The following ZNF644 variants were observed in gnomAD, a reference collection of about 807,000 sequenced individuals.
The protein encoded by ZNF644 is zinc finger protein 644.
A neutral mutation model predicts 108.0 loss-of-function variants in ZNF644; 20 were observed. The observed-to-expected ratio is 0.19, with a 90% CI of 0.13 to 0.27. The LOEUF (loss-of-function observed/expected upper bound fraction) is 0.27. ZNF644 is among the 10% of genes least tolerant of loss of function. The probability of loss-of-function intolerance (pLI) is 1.00; values close to 1 mark genes in which losing one functional copy is unlikely to be tolerated. For missense variants in ZNF644, 1,338 were observed against 1,548.9 expected (o/e 0.86, Z 2.29); for synonymous variants, 542 against 539.1 (o/e 1.01, Z -0.08).
At chr1:90,982,630 A>T (rs13374990) in intron 1 of ZNF644, among the ~76,000 whole-genome samples, 1,895 of 152,070 alleles carry the variant, frequency 0.012, 36 homozygotes, top group African/African-American at 0.043. Flanking sequence ...CTTTTTTTTA[A>T]AAAAAATTCT....
At chr1:90,945,535 T>C (rs1652430107) in intron 2 of ZNF644, among the ~76,000 whole-genome samples, 2 of 152,036 alleles carry the variant, frequency 1.3e-5, no homozygotes, top group Non-Finnish European at 2.9e-5. Flanking sequence ...ATCTCAAACA[T>C]CAGTATTTTT....
At chr1:90,986,078 T>C (rs1214571638) in intron 1 of ZNF644, among the ~76,000 whole-genome samples, 1 of 152,038 alleles carries the variant, frequency 6.6e-6, no homozygotes, top group African/African-American at 2.4e-5. Context: ...GGAATATTAC[T>C]TATATAAGTG....
intron 2 of ZNF644, among the ~76,000 whole-genome samples, chr1:90,953,669 C>CAGGTGTGGGATTACACA: frequency 6.6e-6 from 1 of 152,146 alleles, no homozygotes; most frequent in African/African-American, 2.4e-5. Flanking sequence ...TAATCCCACA[C>CAGGTGTGGGATTACACA]TTTGGGAGGC....
intron 1 of ZNF644, among the ~76,000 whole-genome samples, chr1:91,006,628 C>CT (rs948435706): frequency 5.3e-5 from 8 of 152,036 alleles, no homozygotes; most frequent in East Asian, 1.9e-4. Context: ...CCAAAAAAGT[C>CT]TTTTTTTTCT....
intron 2 of ZNF644, among the ~76,000 whole-genome samples, chr1:90,970,424 G>C (rs1354444030): frequency 6.6e-6 from 1 of 152,088 alleles, no homozygotes; most frequent in Non-Finnish European, 1.5e-5. Context: ...TCCTCCCCTG[G>C]AATTTGATTC....
chr1:90,919,736 C>T (rs1335949724), intron 4 of ZNF644, among the ~76,000 whole-genome samples: 1 of 152,008 alleles, frequency 6.6e-6, no homozygotes, highest in Admixed American at 6.5e-5. Flanking sequence ...CAGTCAAGAG[C>T]CTCGCATGTA....
At chr1:90,922,443 A>AT (rs1649554884) in intron 4 of ZNF644, among the ~76,000 whole-genome samples, 1 of 152,148 alleles carries the variant, frequency 6.6e-6, no homozygotes, top group African/African-American at 2.4e-5. Context: ...CTACAGTAGG[A>AT]ATAAACATGA....
chr1:90,928,489 T>C (rs1650339211), intron 4 of ZNF644, among the ~76,000 whole-genome samples: 1 of 151,776 alleles, frequency 6.6e-6, no homozygotes, highest in Admixed American at 6.6e-5. Context: ...GGCTAGTTCT[T>C]TGTATTTTTT....
At chr1:90,962,955 C>T (rs1349267551) in intron 2 of ZNF644, among the ~76,000 whole-genome samples, 1 of 152,046 alleles carries the variant, frequency 6.6e-6, no homozygotes, top group Non-Finnish European at 1.5e-5. Flanking sequence ...ATAAAATGAA[C>T]TATACTAAAA....
intron 2 of ZNF644, among the ~76,000 whole-genome samples, chr1:90,965,734 G>C (rs1013820701): frequency 6.6e-6 from 1 of 152,022 alleles, no homozygotes; most frequent in Admixed American, 6.6e-5. Context: ...CTTTGTCCTA[G>C]ACCCCATCTC....
chr1:91,015,213 T>C (rs1033312579), intron 1 of ZNF644, among the ~76,000 whole-genome samples: 3 of 152,132 alleles, frequency 2.0e-5, no homozygotes, highest in Admixed American at 2.0e-4. Flanking sequence ...TTAAAATCCG[T>C]GTTTGTGCTA....
At position 90,929,654 on chromosome 1, in the gene ZNF644, AG is replaced by A. The variant is rs768231558; in HGVS notation, c.3688+7830del. ...ACAATACTATTTTTTCTATCACATC[AG>A]AAAGTGCTCCCATAGCACTTTCCAC... is the stretch of plus-strand genomic sequence containing the variant. On this transcript the variant is annotated intron_variant, in intron 4 of 5. Transcript: ENST00000337393. 1.7e-3 allele frequency among the ~76,000 whole-genome samples: 266 copies of A among 152,334 alleles called. 2 individuals are homozygous for A. Among genetic ancestry groups the A allele is most frequent in the Non-Finnish European group, 1.3e-3 (89 of 68,022 alleles).
At chr1:90,931,905 C>T (rs1421385761) in intron 4 of ZNF644, among the ~76,000 whole-genome samples, 2 of 152,058 alleles carry the variant, frequency 1.3e-5, no homozygotes, top group African/African-American at 4.8e-5. Flanking sequence ...TCTCAATTTG[C>T]CATCAGACAA....
In ZNF644 at chr1:90,941,191, C is replaced by T. The variant is rs377248335; in HGVS notation, c.163G>A (p.Gly55Arg). ...TGACAATCTTTTGGCTTATGAACTCCGCTCTCTTTGTCTGAGATAAAATTG... is the reference window on the plus strand; with the variant it reads ...TGACAATCTTTTGGCTTATGAACTCTGCTCTCTTTGTCTGAGATAAAATTG... ...DNNFISDKES[G>R]VHKPKDCQTS... Residue 55 changes from glycine to arginine, a missense_variant, in exon 3 of 6, where the codon GGA becomes AGA. Physicochemically the swap from Gly to Arg is moderately radical, Grantham distance 125. Transcript: ENST00000337393. 2.1e-4 allele frequency: 336 copies of T among 1,610,780 alleles called. No individual in the cohort carries two copies. Among genetic ancestry groups the T allele is most frequent in the African/African-American group, 4.5e-4 (34 of 74,756 alleles).
At chr1:90,991,126 A>C (rs974213126) in intron 1 of ZNF644, among the ~76,000 whole-genome samples, 7 of 152,186 alleles carry the variant, frequency 4.6e-5, no homozygotes, top group Non-Finnish European at 1.5e-5. Flanking sequence ...ATAGGCAGAA[A>C]ATTTGAAGCA....
intron 1 of ZNF644, among the ~76,000 whole-genome samples, chr1:91,015,135 T>G (rs1660319170): frequency 6.6e-6 from 1 of 151,128 alleles, no homozygotes; most frequent in Admixed American, 6.6e-5. Flanking sequence ...AATTTCATAC[T>G]AGTACCCCTC....
intron 2 of ZNF644, among the ~76,000 whole-genome samples, chr1:90,960,553 C>G (rs1048656361): frequency 6.6e-6 from 1 of 152,072 alleles, no homozygotes; most frequent in Non-Finnish European, 1.5e-5. Context: ...AATGGTTAAT[C>G]GTATGTAATG....
At chr1:90,999,060 C>T (rs79366139) in intron 1 of ZNF644, among the ~76,000 whole-genome samples, 7 of 152,158 alleles carry the variant, frequency 4.6e-5, no homozygotes, top group African/African-American at 1.4e-4. Context: ...ACCAAATCTA[C>T]GCCTGATTGG....
At chr1:90,995,301 A>G (rs758274166) in intron 1 of ZNF644, among the ~76,000 whole-genome samples, 10 of 152,192 alleles carry the variant, frequency 6.6e-5, no homozygotes, top group Non-Finnish European at 1.5e-4. Flanking sequence ...AGAAGAAAGA[A>G]TTGGTGAGTT....
Sources: allele counts gnomAD v4.1 joint callset (sites outside exome capture counted in the v4.1 genomes callset), GRCh38; gene constraint gnomAD v4.1.1; transcripts MANE v1.5; gene names NCBI Gene and HGNC (gene_info 2026-07-23, HGNC 2026-07-21).